Variants in TPM4 observed in about 807,000 individuals in gnomAD.
TPM4 encodes the protein tropomyosin 4.
Under a neutral mutation model 35.8 loss-of-function variants are expected in TPM4, and 17 were observed. The ratio of observed to expected loss-of-function variants is 0.47; its 90% CI spans 0.32 to 0.71. The LOEUF (loss-of-function observed/expected upper bound fraction) is 0.71. Among genes scored for constraint, TPM4 ranks in the 30% least tolerant of loss-of-function variants. The probability of loss-of-function intolerance (pLI) is 0.03; values close to 1 mark genes in which losing one functional copy is unlikely to be tolerated. For missense variants in TPM4, 240 were observed against 320.9 expected, an observed-to-expected ratio of 0.75 and a Z score of 1.93; for synonymous variants, 120 against 122.9, an observed-to-expected ratio of 0.98 and a Z score of 0.15.
chr19:16,078,864 A>G (rs1405564238), intron 1 of TPM4, among the ~76,000 whole-genome samples: 1 of 147,130 alleles, frequency 6.8e-6, no homozygotes, highest in Non-Finnish European at 1.5e-5. Flanking sequence ...TCACTCTTGT[A>G]GAATAAGCCA....
At chr19:16,093,984 G>T (rs577490084) in intron 7 of TPM4, among the ~76,000 whole-genome samples, 2 of 128,848 alleles carry the variant, frequency 1.6e-5, no homozygotes, top group Admixed American at 9.1e-5. Flanking sequence ...TCTATGAGAC[G>T]GAGTCTGGCT....
intron 7 of TPM4, among the ~76,000 whole-genome samples, chr19:16,096,775 TC>T (rs1446811901): frequency 2.0e-5 from 3 of 152,182 alleles, no homozygotes; most frequent in African/African-American, 2.4e-5. Flanking sequence ...TTTCCCGAAT[TC>T]CAGAATTGCC....
chr19:16,076,936 C>A, intron 1 of TPM4: 1 of 883,962 alleles, frequency 1.1e-6, no homozygotes, highest in African/African-American at 1.8e-5. Context: ...TCGGGCGGGG[C>A]CGGCCAAGCG....
rs531812566 is a variant in TPM4 at position 16,094,998 on chromosome 19, G to C, written c.664+1245G>C. Among the ~76,000 whole-genome samples the C allele has an allele frequency of 1.4e-3, 212 of 152,312 alleles. 2 individuals are homozygous for C. Among genetic ancestry groups the C allele is most frequent in the African/African-American group, 4.9e-3 (205 of 41,578 alleles). On this transcript the variant is annotated intron_variant, in intron 7 of 7. Coordinates refer to ENST00000643579, the MANE Select transcript of TPM4 (RefSeq NM_003290.3). The stretch of plus-strand genomic sequence containing the variant: ...GAGGGGTGGGGACCAGTGGGGGGAA[G>C]CTCTGTCACTTCTGGTTACCACTGT...
chr19:16,070,875 A>T lies in TPM4; in HGVS notation c.114+3137A>T, dbSNP rs2090350530. 2.0e-5 allele frequency among the ~76,000 whole-genome samples: 3 copies of T among 152,174 alleles called. No homozygotes were observed. The highest frequency in any genetic ancestry group is 4.4e-5 in the Non-Finnish European group (3 of 68,028). ...CTGTGCCCCTCCCTGGCAAACACAG[A>T]CATTCATCCTGTGCTGGGCCAGCTT... is the stretch of plus-strand genomic sequence containing the variant. On this transcript the variant is annotated intron_variant, in intron 2 of 2. Coordinates refer to the TPM4 transcript ENST00000589897. The surrounding 1 kb of genome is among the most constrained non-coding windows in gnomAD (Gnocchi z 7.4).
In TPM4 at chr19:16,093,579, T is replaced by C; in HGVS notation, c.575T>C (p.Leu192Pro). Reference protein sequence around the residue: ...EDKYEEEIKLLSDKLKEAETR... With the variant: ...EDKYEEEIKLPSDKLKEAETR... Reference sequence around the variant, plus strand: ...AAATATGAAGAAGAAATTAAACTTCTGTCTGACAAACTGAAAGAGGTGAGT... The same window carrying C: ...AAATATGAAGAAGAAATTAAACTTCCGTCTGACAAACTGAAAGAGGTGAGT... Residue 192 changes from leucine to proline, a missense_variant, in exon 6 of 8, where the codon CTG becomes CCG. By Grantham distance (98) the Leu-to-Pro change is moderately conservative. Coordinates refer to ENST00000643579, the MANE Select transcript of TPM4 (RefSeq NM_003290.3). The C allele has an allele frequency of 6.2e-7, 1 of 1,614,222 alleles. No homozygotes were observed. The highest frequency in any genetic ancestry group is 1.1e-5 in the South Asian group (1 of 91,086).
At position 16,067,993 on chromosome 19, in the gene TPM4, G is replaced by T; in HGVS notation, c.114+255G>T. 2 of 494,278 alleles carry T rather than the reference G, an allele frequency of 4.0e-6. No individual in the cohort carries two copies. The highest frequency in any genetic ancestry group is 7.2e-6 in the Non-Finnish European group (2 of 278,768). The allele number at this position is 494,278 out of a possible 1,614,324, so 30.6% of individuals were successfully genotyped here. On this transcript the variant is annotated intron_variant, in intron 2 of 2. Transcript: ENST00000589897. This position sits in a 1 kb window ranked among gnomAD's most constrained non-coding sequence, Gnocchi z 4.1. ...TTTGACAGAGAGAGAGTTGGCGGGG[G>T]AGGGAGAGTGAGAACGTTCGTGAGC...
upstream of TPM4, among the ~76,000 whole-genome samples, chr19:16,073,521 G>C (rs1231119387): frequency 2.0e-5 from 3 of 152,196 alleles, no homozygotes; most frequent in Non-Finnish European, 4.4e-5. Flanking sequence ...GGGGGTCGCA[G>C]AGCTTGGATT....
At chr19:16,068,090 C>T (rs1400506381) in intron 2 of TPM4, 2 of 355,092 alleles carry the variant, frequency 5.6e-6, no homozygotes, top group East Asian at 5.6e-5. Flanking sequence ...TGTGTATTTG[C>T]GTGTGTTTGA....
At chr19:16,084,422 A>T (rs1048226365) in intron 2 of TPM4, among the ~76,000 whole-genome samples, 1 of 152,174 alleles carries the variant, frequency 6.6e-6, no homozygotes, top group Non-Finnish European at 1.5e-5. Flanking sequence ...GGGGCAGTGG[A>T]AGGACCCAGT....
chr19:16,073,210 C>T (rs2090372092), upstream of TPM4, among the ~76,000 whole-genome samples: 1 of 151,898 alleles, frequency 6.6e-6, no homozygotes. Context: ...AACAAAACAC[C>T]CAAACCATCT....
intron 2 of TPM4, 120 bp downstream of exon 2, chr19:16,082,166 CA>C (rs2090491885): frequency 7.6e-7 from 1 of 1,318,412 alleles, no homozygotes. Context: ...CATGTGTCCA[CA>C]AAAAAGTGCA....
chr19:16,073,122 T>C (rs956916230), upstream of TPM4, among the ~76,000 whole-genome samples: 3 of 151,722 alleles, frequency 2.0e-5, no homozygotes, highest in African/African-American at 7.3e-5. Flanking sequence ...AGTGGGAGGA[T>C]CCCTTGAGCC....
chr19:16,073,938 T>TA (rs71178637), upstream of TPM4, among the ~76,000 whole-genome samples: 2,242 of 35,620 alleles, frequency 0.063, 169 homozygotes, highest in South Asian at 0.16. Flanking sequence ...GAAGACCATG[T>TA]AAAAAAAAAA....
rs768549925 is a variant in TPM4, at chr19:16,067,576, C to G, written c.-49C>G. On this transcript the variant is annotated 5_prime_UTR_variant, in exon 2 of 3. Coordinates refer to the TPM4 transcript ENST00000589897. The surrounding 1 kb of genome is among the most constrained non-coding windows in gnomAD (Gnocchi z 4.1). Reference sequence around the variant, plus strand: ...GCCACAGCCCCTGACTGCCGCAGCCCCCACAGAGCCCGCCGCGCACCCCAC... The same window carrying G: ...GCCACAGCCCCTGACTGCCGCAGCCGCCACAGAGCCCGCCGCGCACCCCAC... 1.3e-6 allele frequency: 2 copies of G among 1,555,978 alleles called. No homozygotes were observed. Among genetic ancestry groups the G allele is most frequent in the Non-Finnish European group, 1.8e-6 (2 of 1,138,778 alleles).
intron 1 of TPM4, among the ~76,000 whole-genome samples, chr19:16,078,830 TAAAA>T (rs55714667): frequency 5.6e-4 from 71 of 126,386 alleles, no homozygotes; most frequent in South Asian, 1.0e-3. Flanking sequence ...AGGGGTGGGT[TAAAA>T]AAAAAAAAAA....
chr19:16,077,403 G>A (rs954959000), intron 1 of TPM4: 1 of 152,188 alleles, frequency 6.6e-6, no homozygotes, highest in Admixed American at 6.5e-5. Flanking sequence ...GCTGGCGCGG[G>A]GCCCTGAACC....
chr19:16,094,110 G>T (rs1161656604), intron 7 of TPM4, among the ~76,000 whole-genome samples: 1 of 151,886 alleles, frequency 6.6e-6, no homozygotes, highest in Non-Finnish European at 1.5e-5. Context: ...GACTACAGGC[G>T]TGTGCCGCCA....
At chr19:16,077,992 C>A (rs1379356921) in intron 1 of TPM4, 2 of 387,742 alleles carry the variant, frequency 5.2e-6, no homozygotes. Context: ...CCAGGCTGGT[C>A]TCGAACTCCT....
Sources: allele counts gnomAD v4.1 joint callset (sites outside exome capture counted in the v4.1 genomes callset), GRCh38; gene constraint gnomAD v4.1.1; non-coding constraint Gnocchi (gnomAD v3.1); transcripts MANE v1.5; gene names NCBI Gene and HGNC (gene_info 2026-07-23, HGNC 2026-07-21).